The following LIG1 variants were observed in gnomAD, a reference collection of about 807,000 sequenced individuals.
LIG1 encodes the protein ligase I, DNA, ATP-dependent.
LIG1 carries 70 observed loss-of-function variants against 115.7 expected under a neutral mutation model. The ratio of observed to expected loss-of-function variants is 0.60; its 90% CI spans 0.50 to 0.74. LIG1 has a LOEUF of 0.74. Ranked by LOEUF, LIG1 falls within the 30% of genes least tolerant of loss-of-function variation. The probability of loss-of-function intolerance (pLI) is 0.00; values close to 1 mark genes in which losing one functional copy is unlikely to be tolerated. For synonymous variants in LIG1, 487 were observed against 495.3 expected (o/e 0.98, Z 0.22); for missense variants, 1,115 against 1,225.6 (o/e 0.91, Z 1.35).
At chr19:48,134,432 T>C (rs760130012) in intron 16 of LIG1, among the ~76,000 whole-genome samples, 1 of 152,182 alleles carries the variant, frequency 6.6e-6, no homozygotes. Context: ...CCGAGGTGGG[T>C]GCATCACTTG....
rs1416230788 is a variant in LIG1 at position 48,134,013 on chromosome 19, T to G, written c.1577A>C (p.Glu526Ala). 6.4e-7 allele frequency: 1 copy of G among 1,556,494 alleles called. No individual in the cohort carries two copies. Among genetic ancestry groups the G allele is most frequent in the African/African-American group, 1.4e-5 (1 of 73,426 alleles). Residue 526 changes from glutamate (E) to alanine (A), a missense_variant, in exon 17 of 28, where the codon GAA becomes GCA. Transcript: ENST00000263274. ...IIPVLLEHGL[E>A]RLPEHCKLSP... ...CAGCTTGCAGTGCTCCGGGAGACGT[T>G]CCAGGCCGTGCTCCAGCAGCACGGG...
At chr19:48,121,957 TCAGAAA>T (rs879926759) in intron 23 of LIG1, among the ~76,000 whole-genome samples, 1 of 152,126 alleles carries the variant, frequency 6.6e-6, no homozygotes, top group Non-Finnish European at 1.5e-5. Context: ...TCCCATTCGT[TCAGAAA>T]CGTTCACTAA....
intron 5 of LIG1, 105 bp from the exon 6 acceptor site, chr19:48,154,072 CT>C: frequency 1.1e-6 from 1 of 886,950 alleles, no homozygotes; most frequent in Non-Finnish European, 1.9e-6. Flanking sequence ...TCTGGGCCCT[CT>C]CCCCTTCTCT....
At chr19:48,164,312 C>G (rs1293454475) in intron 2 of LIG1, among the ~76,000 whole-genome samples, 1 of 152,150 alleles carries the variant, frequency 6.6e-6, no homozygotes, top group African/African-American at 2.4e-5. Flanking sequence ...AAAACGGAAC[C>G]CAGCATTTGT....
intron 21 of LIG1, among the ~76,000 whole-genome samples, chr19:48,126,606 C>CAA (rs1053509897): frequency 1.7e-4 from 18 of 103,588 alleles, no homozygotes; most frequent in Admixed American, 2.1e-4. Context: ...ACTCTTATCT[C>CAA]AAAAAAAAAA....
intron 12 of LIG1, among the ~76,000 whole-genome samples, chr19:48,138,553 C>T (rs898942723): frequency 6.6e-6 from 1 of 152,206 alleles, no homozygotes; most frequent in Non-Finnish European, 1.5e-5. Flanking sequence ...TCGAATCACA[C>T]ATCAAAGGGG....
intron 21 of LIG1, 73 bp downstream of exon 21, chr19:48,127,204 G>T: frequency 8.1e-7 from 1 of 1,228,672 alleles, no homozygotes; most frequent in Non-Finnish European, 1.2e-6. Flanking sequence ...ATGGAAGTCA[G>T]AGGGGCAGCT....
chr19:48,161,826 C>G (rs937218545), intron 3 of LIG1, among the ~76,000 whole-genome samples: 2 of 123,480 alleles, frequency 1.6e-5, no homozygotes, highest in Non-Finnish European at 3.3e-5. Flanking sequence ...ATTGGGATGC[C>G]TTTTTTTTTT....
intron 12 of LIG1, 31 bp downstream of exon 12, chr19:48,139,940 T>C (rs770336602): frequency 2.5e-6 from 4 of 1,612,806 alleles, no homozygotes; most frequent in Non-Finnish European, 3.4e-6. Context: ...GCTCCTGTCC[T>C]TCTGGTCCCT....
At chr19:48,129,104 G>A (rs185790562) in intron 19 of LIG1, among the ~76,000 whole-genome samples, 178 of 151,930 alleles carry the variant, frequency 1.2e-3, no homozygotes, top group Non-Finnish European at 1.5e-3. Context: ...CCAGCCTGGC[G>A]TGCAGTGGTG....
chr19:48,165,461 T>G, intron 2 of LIG1, 89 bp downstream of exon 2: 1 of 1,082,822 alleles, frequency 9.2e-7, no homozygotes, highest in Non-Finnish European at 1.4e-6. Flanking sequence ...GAGTTTTTGT[T>G]TGTTTGTTTG....
At chr19:48,132,834 T>G in intron 18 of LIG1, 148 bp downstream of exon 18, 1 of 587,266 alleles carries the variant, frequency 1.7e-6, no homozygotes, top group Non-Finnish European at 3.2e-6. Flanking sequence ...ACTCACTGCA[T>G]GGAGGTGGAT....
intron 6 of LIG1, among the ~76,000 whole-genome samples, chr19:48,152,935 G>A (rs980595118): frequency 1.3e-5 from 2 of 152,132 alleles, no homozygotes; most frequent in Admixed American, 6.5e-5. Flanking sequence ...AGTGGCTCAC[G>A]CCTGTAATCC....
chr19:48,140,186 T>A, intron 11 of LIG1, 43 bp from the exon 12 acceptor site: 3 of 1,517,916 alleles, frequency 2.0e-6, no homozygotes, highest in Non-Finnish European at 1.8e-6. Context: ...TTCCTCAAGG[T>A]CAAAGTGTGG....
At position 48,131,160 on chromosome 19, in the gene LIG1, C is replaced by CA. The variant is rs781616208; in HGVS notation, c.1736dup (p.Glu580GlyfsTer30). The CA allele has an allele frequency of 2.5e-6, 4 of 1,613,852 alleles. No individual in the cohort carries two copies. Among genetic ancestry groups the CA allele is most frequent in the Admixed American group, 3.3e-5 (2 of 60,032 alleles). The stretch of plus-strand genomic sequence containing the variant: ...TGAAGATCTTCACCTCCCCGCCTTC[C>CA]AGGGCGTGGATCTGTCACGATGGGA... On this transcript the variant is annotated frameshift_variant, in exon 19 of 28. Transcript: ENST00000263274. LOFTEE classifies it high-confidence loss of function.
At chr19:48,142,073 G>C (rs867221531) in intron 11 of LIG1, among the ~76,000 whole-genome samples, 1 of 152,048 alleles carries the variant, frequency 6.6e-6, no homozygotes, top group Non-Finnish European at 1.5e-5. Context: ...AGGCCGAGGC[G>C]GGCCGATCAC....
chr19:48,115,728 G>C lies in LIG1; in HGVS notation c.2681C>G (p.Ala894Gly). The C allele has an allele frequency of 1.9e-6, 3 of 1,613,732 alleles. No individual in the cohort carries two copies. Among genetic ancestry groups the C allele is most frequent in the Middle Eastern group, 1.6e-4 (1 of 6,062 alleles). ...PEQATTSAQV[A>G]CLYRKQSQIQ... ...CTGACTTTGCTTCCGGTACAAACAGGCCACCTGCGGAGAGAGGGTGGGACG... is the reference window on the plus strand; with the variant it reads ...CTGACTTTGCTTCCGGTACAAACAGCCCACCTGCGGAGAGAGGGTGGGACG... The change falls in exon 28 of 28, where the codon GCC becomes GGC. Residue 894 changes from alanine to glycine, a missense_variant. Transcript: ENST00000263274.
At chr19:48,150,308 G>T in intron 7 of LIG1, 98 bp from the exon 8 acceptor site, 1 of 1,556,192 alleles carries the variant, frequency 6.4e-7, no homozygotes, top group East Asian at 2.2e-5. Context: ...CCCTGCAGAT[G>T]GAAGATATAA....
Position 48,115,979 on chromosome 19 carries a change from A to T in LIG1, c.2584-14T>A, listed in dbSNP as rs1333717964. ...GTCACTATCCACCTGCGGAAGCGGG[A>T]TGGAGACTCCTGCGGTCCAGCCCCA... On this transcript the variant is annotated splice_polypyrimidine_tract_variant and intron_variant, in intron 26 of 27. Coordinates refer to ENST00000263274, the MANE Select transcript of LIG1 (RefSeq NM_000234.3). 10 of 1,606,054 alleles carry T rather than the reference A, an allele frequency of 6.2e-6. No homozygotes were observed. Among genetic ancestry groups the T allele is most frequent in the Non-Finnish European group, 8.5e-6 (10 of 1,174,096 alleles).
Sources: allele counts gnomAD v4.1 joint callset (sites outside exome capture counted in the v4.1 genomes callset), GRCh38; gene constraint gnomAD v4.1.1; transcripts MANE v1.5; gene names NCBI Gene and HGNC (gene_info 2026-07-23, HGNC 2026-07-21).